The following ST6GALNAC3 variants were observed in gnomAD, a reference collection of about 807,000 sequenced individuals.
ST6GALNAC3 encodes alpha-N-acetylgalactosaminide alpha-2,6-sialyltransferase 3.
ST6GALNAC3 carries 25 observed loss-of-function variants against 32.7 expected under a neutral mutation model. The ratio of observed to expected loss-of-function variants is 0.76; its 90% CI spans 0.56 to 1.07. The LOEUF (loss-of-function observed/expected upper bound fraction) is 1.07. ST6GALNAC3 is among the 50% of genes least tolerant of loss of function. The pLI, the probability that ST6GALNAC3 is intolerant of heterozygous loss-of-function variation, is 0.00. For missense variants in ST6GALNAC3, 355 were observed against 382.4 expected, an observed-to-expected ratio of 0.93 and a Z score of 0.60; for synonymous variants, 129 against 133.1, an observed-to-expected ratio of 0.97 and a Z score of 0.21.
intron 2 of ST6GALNAC3, among the ~76,000 whole-genome samples, chr1:76,334,511 T>C (rs906361390): frequency 4.6e-5 from 7 of 152,208 alleles, no homozygotes; most frequent in Non-Finnish European, 7.3e-5. Context: ...AAAGATACCA[T>C]GTTAGAAGTA....
intron 1 of ST6GALNAC3, among the ~76,000 whole-genome samples, chr1:76,110,823 C>T (rs988594692): frequency 1.3e-5 from 2 of 152,112 alleles, no homozygotes; most frequent in African/African-American, 4.8e-5. Flanking sequence ...GGGAAAATAC[C>T]GTGATAAGAC....
chr1:76,429,571 A>G (rs1655613773), intron 3 of ST6GALNAC3, among the ~76,000 whole-genome samples: 1 of 152,158 alleles, frequency 6.6e-6, no homozygotes, highest in Non-Finnish European at 1.5e-5. Context: ...CATTACATAC[A>G]TCATATTGAA....
chr1:76,341,605 T>TTTTCTTTCCTTCTTTC (rs1647977608), intron 2 of ST6GALNAC3, among the ~76,000 whole-genome samples: 6 of 91,264 alleles, frequency 6.6e-5, no homozygotes, highest in Non-Finnish European at 1.3e-4. Flanking sequence ...TCCAAACTGC[T>TTTTCTTTCCTTCTTTC]TTTCTTTCTT....
Position 76,313,814 on chromosome 1 carries a change from GTGAT to G in ST6GALNAC3, c.31_34del (p.Ile11LeufsTer2). 6.2e-7 allele frequency: 1 copy of G among 1,613,196 alleles called. No homozygotes were observed. The highest frequency in any genetic ancestry group is 8.5e-7 in the Non-Finnish European group (1 of 1,179,526). On this transcript the variant is annotated frameshift_variant, in exon 2 of 5. Coordinates refer to ENST00000328299, the MANE Select transcript of ST6GALNAC3 (RefSeq NM_152996.4). LOFTEE classifies it high-confidence loss of function. ...TTTTAATGTTTTGTAGAGAAAGTCT[GTGAT>G]TGCTGTGAGCTTCATAGCAGCGTTC...
intron 2 of ST6GALNAC3, among the ~76,000 whole-genome samples, chr1:76,323,299 T>A (rs2100929979): frequency 6.6e-6 from 1 of 152,288 alleles, no homozygotes; most frequent in Admixed American, 6.5e-5. Flanking sequence ...TAAATAAAAT[T>A]GTAATACCTC....
At chr1:76,138,592 C>T (rs1173444441) in intron 1 of ST6GALNAC3, among the ~76,000 whole-genome samples, 1 of 152,202 alleles carries the variant, frequency 6.6e-6, no homozygotes, top group Non-Finnish European at 1.5e-5. Context: ...CTATGCAAAT[C>T]CCAACAGCCT....
At chr1:76,166,457 G>T (rs1344234298) in intron 1 of ST6GALNAC3, among the ~76,000 whole-genome samples, 1 of 152,172 alleles carries the variant, frequency 6.6e-6, no homozygotes, top group Admixed American at 6.5e-5. Context: ...TGTTCATTTT[G>T]CTTAAGATTG....
At chr1:76,140,572 A>C (rs534199271) in intron 1 of ST6GALNAC3, among the ~76,000 whole-genome samples, 176 of 150,408 alleles carry the variant, frequency 1.2e-3, no homozygotes, top group African/African-American at 4.2e-3. Context: ...TGCCTCTCCC[A>C]CAGAACAGTA....
At chr1:76,183,130 C>T (rs1653296562) in intron 1 of ST6GALNAC3, among the ~76,000 whole-genome samples, 1 of 152,152 alleles carries the variant, frequency 6.6e-6, no homozygotes, top group Non-Finnish European at 1.5e-5. Context: ...GTAGTAGTTA[C>T]TGTAAATCTT....
At chr1:76,361,290 T>C (rs1649912533) in intron 2 of ST6GALNAC3, among the ~76,000 whole-genome samples, 2 of 152,140 alleles carry the variant, frequency 1.3e-5, no homozygotes, top group Admixed American at 1.3e-4. Context: ...TGAAATTGAC[T>C]ACTTTAGATG....
chr1:76,499,256 A>T (rs1266717708), intron 3 of ST6GALNAC3, among the ~76,000 whole-genome samples: 1 of 152,186 alleles, frequency 6.6e-6, no homozygotes, highest in Non-Finnish European at 1.5e-5. Context: ...ATAATTTGAG[A>T]CAGCTTTTCC....
chr1:76,087,401 GTTTA>G (rs1341481708), intron 1 of ST6GALNAC3, among the ~76,000 whole-genome samples: 18 of 152,286 alleles, frequency 1.2e-4, no homozygotes, highest in African/African-American at 4.1e-4. Context: ...TGAAGAGGAA[GTTTA>G]TTTATCAAGC....
rs573270742 is a variant in ST6GALNAC3, at chr1:76,462,130, T to C, written c.623+49713T>C. On this transcript the variant is annotated intron_variant, in intron 3 of 4. Coordinates refer to ENST00000328299, the MANE Select transcript of ST6GALNAC3 (RefSeq NM_152996.4). The stretch of plus-strand genomic sequence containing the variant: ...AACCTGTCCCCATCCCCCCAGCCTG[T>C]AAACTTCTTGAGAGCAATGATGCTG... 1.3e-4 allele frequency among the ~76,000 whole-genome samples: 20 copies of C among 152,208 alleles called. No homozygotes were observed. In the South Asian group the frequency reaches 3.3e-3, roughly 25 times the overall value.
intron 2 of ST6GALNAC3, among the ~76,000 whole-genome samples, chr1:76,330,823 A>C (rs964390109): frequency 6.6e-6 from 1 of 152,156 alleles, no homozygotes; most frequent in Non-Finnish European, 1.5e-5. Flanking sequence ...TAGTCAGTGA[A>C]AATGCTGCAA....
intron 1 of ST6GALNAC3, among the ~76,000 whole-genome samples, chr1:76,171,370 A>G (rs1361712508): frequency 6.6e-6 from 1 of 152,184 alleles, no homozygotes; most frequent in East Asian, 1.9e-4. Flanking sequence ...TCCAGCATTA[A>G]CCACTAACTA....
chr1:76,400,938 C>T (rs530995595), intron 2 of ST6GALNAC3, among the ~76,000 whole-genome samples: 24 of 151,746 alleles, frequency 1.6e-4, no homozygotes, highest in Non-Finnish European at 3.1e-4. Flanking sequence ...TAAAACACTT[C>T]TAATTTTATA....
intron 1 of ST6GALNAC3, among the ~76,000 whole-genome samples, chr1:76,138,509 A>G: frequency 6.6e-6 from 1 of 152,166 alleles, no homozygotes; most frequent in East Asian, 1.9e-4. Context: ...CCAGAACCTG[A>G]CCCATGGACC....
At chr1:76,251,194 A>G (rs1052057288) in intron 1 of ST6GALNAC3, among the ~76,000 whole-genome samples, 2 of 152,076 alleles carry the variant, frequency 1.3e-5, no homozygotes, top group African/African-American at 2.4e-5. Context: ...TATCACCCGC[A>G]TGTCACTAGT....
At chr1:76,409,535 A>G (rs1001213657) in intron 2 of ST6GALNAC3, among the ~76,000 whole-genome samples, 4 of 140,630 alleles carry the variant, frequency 2.8e-5, no homozygotes, top group Admixed American at 7.4e-5. Flanking sequence ...ACTTTTTTAT[A>G]GTAGAAAAAA....
Sources: allele counts gnomAD v4.1 joint callset (sites outside exome capture counted in the v4.1 genomes callset), GRCh38; gene constraint gnomAD v4.1.1; transcripts MANE v1.5; gene names NCBI Gene and HGNC (gene_info 2026-07-23, HGNC 2026-07-21).